The following CHSY3 variants were observed in gnomAD, a reference collection of about 807,000 sequenced individuals.
The protein encoded by CHSY3 is N-acetylgalactosaminyl-proteoglycan 3-beta-glucuronosyltransferase 3.
In CHSY3, 35 loss-of-function variants were observed where a neutral mutation model predicts 67.2. The observed-to-expected ratio is 0.52, with a 90% CI of 0.40 to 0.69. The LOEUF (loss-of-function observed/expected upper bound fraction) is 0.69. Ranked by LOEUF, CHSY3 falls within the 30% of genes least tolerant of loss-of-function variation. CHSY3 has a pLI of 0.00. For missense variants in CHSY3, 1,069 were observed against 1,138.5 expected, an observed-to-expected ratio of 0.94 and a Z score of 0.88; for synonymous variants, 474 against 434.7, an observed-to-expected ratio of 1.09 and a Z score of -1.12.
intron 2 of CHSY3, among the ~76,000 whole-genome samples, chr5:130,059,807 T>G (rs959175470): frequency 6.6e-6 from 1 of 152,124 alleles, no homozygotes; most frequent in Non-Finnish European, 1.5e-5. Flanking sequence ...CAACATAAAA[T>G]TAATTTTATT....
At chr5:129,943,469 G>A (rs1761756584) in intron 2 of CHSY3, among the ~76,000 whole-genome samples, 1 of 152,188 alleles carries the variant, frequency 6.6e-6, no homozygotes, top group Non-Finnish European at 1.5e-5. Context: ...CATTTAATTT[G>A]TAAATTAAAT....
intron 2 of CHSY3, among the ~76,000 whole-genome samples, chr5:130,178,247 A>AT (rs1356162457): frequency 4.3e-5 from 3 of 69,258 alleles, no homozygotes; most frequent in Admixed American, 1.7e-4. Flanking sequence ...ATATATATAT[A>AT]TATATATTTT....
intron 2 of CHSY3, among the ~76,000 whole-genome samples, chr5:130,109,719 CT>C (rs1351661272): frequency 2.6e-5 from 4 of 151,516 alleles, no homozygotes; most frequent in African/African-American, 9.7e-5. Flanking sequence ...ATATTTACTA[CT>C]TTGAAGATGA....
At chr5:130,061,609 A>G (rs182419115) in intron 2 of CHSY3, among the ~76,000 whole-genome samples, 158 of 152,280 alleles carry the variant, frequency 1.0e-3, no homozygotes, top group African/African-American at 3.7e-3. Flanking sequence ...TCAACAGAAT[A>G]AACAGAAAAC....
chr5:130,093,456 A>G (rs1766944824), intron 2 of CHSY3, among the ~76,000 whole-genome samples: 3 of 152,210 alleles, frequency 2.0e-5, no homozygotes, highest in Admixed American at 6.5e-5. Context: ...CTCTTATATA[A>G]CCAGATTTCC....
At chr5:129,906,543 TAA>T (rs962279935) in intron 1 of CHSY3, among the ~76,000 whole-genome samples, 16 of 152,204 alleles carry the variant, frequency 1.1e-4, no homozygotes, top group African/African-American at 3.4e-4. Context: ...TTTGTCAGTT[TAA>T]AAGAGGCGCG....
At chr5:130,138,467 G>T (rs1768745225) in intron 2 of CHSY3, among the ~76,000 whole-genome samples, 1 of 152,230 alleles carries the variant, frequency 6.6e-6, no homozygotes, top group African/African-American at 2.4e-5. Context: ...TCAGAGGCCA[G>T]CCAGCTAGGT....
At chr5:129,970,398 T>TTAGATAGATAGA (rs59639782) in intron 2 of CHSY3, among the ~76,000 whole-genome samples, 2 of 145,634 alleles carry the variant, frequency 1.4e-5, no homozygotes, top group Non-Finnish European at 1.5e-5. Context: ...GAGGAACAGA[T>TTAGATAGATAGA]TAGATAGATA....
intron 2 of CHSY3, among the ~76,000 whole-genome samples, chr5:130,044,906 A>T (rs936348966): frequency 6.6e-6 from 1 of 152,166 alleles, no homozygotes; most frequent in African/African-American, 2.4e-5. Context: ...ATCTTCAATG[A>T]ATGACCCAAG....
chr5:130,081,527 C>T (rs1054213917), intron 2 of CHSY3, among the ~76,000 whole-genome samples: 2 of 152,034 alleles, frequency 1.3e-5, no homozygotes, highest in Non-Finnish European at 2.9e-5. Flanking sequence ...TCCCTGATAT[C>T]GTTTGACTGT....
At chr5:129,985,586 A>T (rs911426248) in intron 2 of CHSY3, among the ~76,000 whole-genome samples, 1 of 151,872 alleles carries the variant, frequency 6.6e-6, no homozygotes, top group East Asian at 1.9e-4. Flanking sequence ...GTTTGATAGG[A>T]ATAGCATTGA....
At chr5:130,078,366 A>C (rs555855849) in intron 2 of CHSY3, among the ~76,000 whole-genome samples, 3 of 152,278 alleles carry the variant, frequency 2.0e-5, no homozygotes, top group Admixed American at 2.0e-4. Context: ...TGAAGAAAAC[A>C]GTGAGTACTT....
At chr5:130,105,641 A>G (rs866390846) in intron 2 of CHSY3, among the ~76,000 whole-genome samples, 14 of 151,744 alleles carry the variant, frequency 9.2e-5, no homozygotes, top group African/African-American at 3.1e-4. Flanking sequence ...TTGTAAAATT[A>G]CATTTACATT....
chr5:129,957,571 A>G (rs1235641295), intron 2 of CHSY3, among the ~76,000 whole-genome samples: 1 of 152,170 alleles, frequency 6.6e-6, no homozygotes, highest in Non-Finnish European at 1.5e-5. Context: ...CATGTAATTA[A>G]TATTTTGCTT....
intron 2 of CHSY3, among the ~76,000 whole-genome samples, chr5:129,956,911 T>A (rs1247297254): frequency 5.9e-5 from 9 of 152,144 alleles, no homozygotes; most frequent in Non-Finnish European, 2.9e-5. Context: ...GCCTCCAGTT[T>A]TGTTTTTGTT....
intron 2 of CHSY3, among the ~76,000 whole-genome samples, chr5:130,055,727 C>T (rs1765510928): frequency 6.6e-6 from 1 of 151,920 alleles, no homozygotes; most frequent in Non-Finnish European, 1.5e-5. Context: ...GCTACCACTG[C>T]CACCGGAAGC....
At chr5:129,985,195 T>A (rs1451435129) in intron 2 of CHSY3, among the ~76,000 whole-genome samples, 1 of 152,210 alleles carries the variant, frequency 6.6e-6, no homozygotes, top group African/African-American at 2.4e-5. Flanking sequence ...AGTTGGTTTT[T>A]TAAAATATGG....
intron 2 of CHSY3, among the ~76,000 whole-genome samples, chr5:129,921,595 T>A (rs746146266): frequency 6.6e-6 from 1 of 152,256 alleles, no homozygotes; most frequent in Non-Finnish European, 1.5e-5. Context: ...GGAGGACTAC[T>A]GTATTTGTCT....
intron 2 of CHSY3, among the ~76,000 whole-genome samples, chr5:130,138,416 C>A (rs1768742324): frequency 6.6e-6 from 1 of 152,186 alleles, no homozygotes; most frequent in African/African-American, 2.4e-5. Context: ...ACCACAGGGC[C>A]ACATGGTTCT....
Sources: allele counts gnomAD v4.1 joint callset (sites outside exome capture counted in the v4.1 genomes callset), GRCh38; gene constraint gnomAD v4.1.1; transcripts MANE v1.5; gene names NCBI Gene and HGNC (gene_info 2026-07-23, HGNC 2026-07-21).